The following RAB27A variants were observed in gnomAD, a reference collection of about 807,000 sequenced individuals.
RAB27A encodes ras-related protein Rab-27A.
Under a neutral mutation model 20.8 loss-of-function variants are expected in RAB27A, and 17 were observed. The observed-to-expected ratio is 0.82, with a 90% CI of 0.56 to 1.23. The LOEUF (loss-of-function observed/expected upper bound fraction) is 1.23, where lower values mean the gene tolerates loss of function less well. Among genes scored for constraint, RAB27A ranks in the 50% most tolerant of loss-of-function variants. The pLI is 0.00. For synonymous variants in RAB27A, 85 were observed against 92.8 expected (o/e 0.92, Z 0.48); for missense variants, 277 against 266.7 (o/e 1.04, Z -0.27).
At chr15:55,258,299 C>T (rs1197047376) in intron 2 of RAB27A, among the ~76,000 whole-genome samples, 1 of 152,198 alleles carries the variant, frequency 6.6e-6, no homozygotes, top group Non-Finnish European at 1.5e-5. Context: ...TCACTTAACA[C>T]TGCTATATGT....
At chr15:55,230,051 G>T (rs1404076158) in intron 4 of RAB27A, among the ~76,000 whole-genome samples, 1 of 152,118 alleles carries the variant, frequency 6.6e-6, no homozygotes, top group Non-Finnish European at 1.5e-5. Flanking sequence ...ATTCCAACCA[G>T]ATATCCCACT....
chr15:55,308,041 T>G (rs950275177), intron 2 of RAB27A, among the ~76,000 whole-genome samples: 1 of 152,086 alleles, frequency 6.6e-6, no homozygotes, highest in African/African-American at 2.4e-5. Context: ...GGTTCCCCAT[T>G]CTATTTCTTC....
At chr15:55,249,965 G>T (rs1896826392) in intron 2 of RAB27A, among the ~76,000 whole-genome samples, 2 of 151,550 alleles carry the variant, frequency 1.3e-5, no homozygotes, top group Non-Finnish European at 1.5e-5. Context: ...TTCTATGTTT[G>T]TTTTTTGTTT....
chr15:55,275,741 C>A (rs549518482), intron 1 of RAB27A, among the ~76,000 whole-genome samples: 1 of 151,174 alleles, frequency 6.6e-6, no homozygotes, highest in Non-Finnish European at 1.5e-5. Context: ...AAAAAAACAA[C>A]CCCCAAAAGA....
chr15:55,314,078 C>T (rs1414312611), exon 2 of RAB27A: 1 of 150,504 alleles, frequency 6.6e-6, no homozygotes, highest in Non-Finnish European at 1.5e-5. Context: ...GCAGGAGAAT[C>T]ACTTGAACCT....
At chr15:55,304,238 CTT>C (rs2054988065) in intron 2 of RAB27A, among the ~76,000 whole-genome samples, 1 of 151,084 alleles carries the variant, frequency 6.6e-6, no homozygotes, top group African/African-American at 2.4e-5. Flanking sequence ...GCAAGATGTG[CTT>C]TGTTAAACAG....
chr15:55,276,725 G>C (rs934782810), intron 1 of RAB27A, among the ~76,000 whole-genome samples: 2 of 152,134 alleles, frequency 1.3e-5, no homozygotes, highest in African/African-American at 2.4e-5. Flanking sequence ...GTTCTGAAAA[G>C]CTATTATACA....
At chr15:55,279,753 A>G (rs180944427) in intron 1 of RAB27A, among the ~76,000 whole-genome samples, 2 of 152,338 alleles carry the variant, frequency 1.3e-5, no homozygotes, top group East Asian at 3.9e-4. Context: ...ACTTACAACA[A>G]TAGTTTTTGA....
chr15:55,288,287 G>C (rs1256034467), intron 1 of RAB27A, among the ~76,000 whole-genome samples: 6 of 152,120 alleles, frequency 3.9e-5, no homozygotes, highest in Non-Finnish European at 5.9e-5. Flanking sequence ...TTGGGAGGCT[G>C]ACGCAGGTTG....
chr15:55,310,435 C>T (rs1042569715), intron 2 of RAB27A, among the ~76,000 whole-genome samples: 1 of 152,172 alleles, frequency 6.6e-6, no homozygotes, highest in South Asian at 2.1e-4. Context: ...ACTCAGAGGA[C>T]CTTCATCCCC....
intron 6 of RAB27A, among the ~76,000 whole-genome samples, chr15:55,213,229 T>G (rs997535180): frequency 7.2e-5 from 11 of 152,246 alleles, no homozygotes; most frequent in African/African-American, 2.7e-4. Context: ...AACTTTAAAG[T>G]CCTCCACGAT....
chr15:55,254,448 A>C (rs1306407076), intron 2 of RAB27A, among the ~76,000 whole-genome samples: 1 of 152,072 alleles, frequency 6.6e-6, no homozygotes, highest in Non-Finnish European at 1.5e-5. Context: ...TTTCTTTTAG[A>C]ATCTACAGCA....
chr15:55,273,238 C>A (rs1897758299), intron 1 of RAB27A, among the ~76,000 whole-genome samples: 1 of 151,564 alleles, frequency 6.6e-6, no homozygotes, highest in Admixed American at 6.6e-5. Context: ...GAAACTCCAT[C>A]TCTACTAAAA....
At chr15:55,317,425 C>T (rs2055055663) in intron 1 of RAB27A, 1 of 240,970 alleles carries the variant, frequency 4.1e-6, no homozygotes, top group East Asian at 7.3e-5. Flanking sequence ...AGTGATGCTC[C>T]TGCCTCAGCC....
At chr15:55,221,316 A>G (rs1335350653) in intron 6 of RAB27A, among the ~76,000 whole-genome samples, 1 of 152,118 alleles carries the variant, frequency 6.6e-6, no homozygotes, top group Admixed American at 6.5e-5. Context: ...CATACTCTCA[A>G]AAGAATGCTC....
At chr15:55,241,662 G>C (rs1240176409) in intron 2 of RAB27A, among the ~76,000 whole-genome samples, 2 of 134,208 alleles carry the variant, frequency 1.5e-5, no homozygotes, top group African/African-American at 6.8e-5. Context: ...TTATAAATTA[G>C]GCAGGTGTGG....
At chr15:55,241,368 A>T (rs1023862563) in intron 2 of RAB27A, among the ~76,000 whole-genome samples, 1 of 151,960 alleles carries the variant, frequency 6.6e-6, no homozygotes, top group African/African-American at 2.4e-5. Context: ...ATTTTTTCAA[A>T]GTGCTCTCCA....
intron 3 of RAB27A, 39 bp downstream of exon 3, chr15:55,234,743 T>C: frequency 6.3e-7 from 1 of 1,575,820 alleles, no homozygotes; most frequent in Non-Finnish European, 8.7e-7. Flanking sequence ...AATGTTGACT[T>C]AACGATTACA....
intron 1 of RAB27A, among the ~76,000 whole-genome samples, chr15:55,282,615 C>A (rs1898043881): frequency 6.6e-6 from 1 of 152,148 alleles, no homozygotes; most frequent in Non-Finnish European, 1.5e-5. Flanking sequence ...AGTAGACATT[C>A]CTGGCAGCTG....
Sources: gnomAD v4.1 joint callset for allele counts (sites outside exome capture counted in the v4.1 genomes callset) on GRCh38, gnomAD v4.1.1 for gene constraint, MANE v1.5 for transcripts, NCBI Gene and HGNC (gene_info 2026-07-23, HGNC 2026-07-21) for gene names.